The following KCNT2 variants were observed in gnomAD, a reference collection of about 807,000 sequenced individuals.
KCNT2 encodes potassium channel subfamily T member 2.
A neutral mutation model predicts 153.8 loss-of-function variants in KCNT2; 67 were observed. The observed-to-expected ratio is 0.44, with a 90% CI of 0.36 to 0.53. KCNT2 has a LOEUF of 0.53. KCNT2 is among the 20% of genes least tolerant of loss of function. The pLI is 0.00. For synonymous variants in KCNT2, 500 were observed against 458.8 expected (o/e 1.09, Z -1.15); for missense variants, 975 against 1,354.8 (o/e 0.72, Z 4.40).
At chr1:196,428,379 T>C (rs926458005) in intron 9 of KCNT2, 110 bp from the exon 10 acceptor site, 4 of 728,082 alleles carry the variant, frequency 5.5e-6, no homozygotes, top group East Asian at 2.6e-5. Context: ...ATGGAACTCA[T>C]TGAGATTCTA....
rs571468998 is a variant in KCNT2, at chr1:196,333,963, A to G, written c.1881T>C (p.Pro627=). The G allele has an allele frequency of 3.1e-6, 5 of 1,612,766 alleles. No homozygotes were observed. The highest frequency in any genetic ancestry group is 4.2e-6 in the Non-Finnish European group (5 of 1,179,212). ...CAACCTCTAAAACAGGAGCAATGCT[A>G]GGTCTTCTTATTTCTTTGCTTCCCT... ...PTEGSKEIRR[P]SIAPVLEVAD... Residue 627 remains proline (P), a synonymous_variant, in exon 17 of 28, where the codon CCT becomes CCC. Transcript: ENST00000294725.
At chr1:196,232,231 T>C (rs1375352222) in intron 27 of KCNT2, among the ~76,000 whole-genome samples, 4 of 151,770 alleles carry the variant, frequency 2.6e-5, no homozygotes, top group Admixed American at 2.6e-4. Context: ...AAACTAATAG[T>C]GCACATTACA....
At chr1:196,523,678 G>C (rs1255656001) in intron 1 of KCNT2, among the ~76,000 whole-genome samples, 2 of 152,184 alleles carry the variant, frequency 1.3e-5, no homozygotes, top group African/African-American at 4.8e-5. Flanking sequence ...CAAAGCATCT[G>C]ATAGAGCCAT....
Position 196,535,001 on chromosome 1 carries a change from A to G in KCNT2, c.96-42660T>C, listed in dbSNP as rs558631210. Among the ~76,000 whole-genome samples, 25 of 152,342 alleles carry G rather than the reference A, an allele frequency of 1.6e-4. No homozygotes were observed. The South Asian group carries it at 4.6e-3, about 28-fold the overall frequency. On this transcript the variant is annotated intron_variant, in intron 1 of 27. Transcript: ENST00000294725. ...TTCTTTACTTACTTAGCTCCATGTT[A>G]TCAAGGTATAATTCTGATTATAATT...
rs371149338 is a variant in KCNT2 at position 196,590,853 on chromosome 1, C to T, written c.95+17362G>A. On this transcript the variant is annotated intron_variant, in intron 1 of 27. Transcript: ENST00000294725. ...TTGAAAAGAGATCTCAGGCCGAGTG[C>T]AGTGGCTCATGCCTGTAATCCCAGT... Among the ~76,000 whole-genome samples, 11 of 152,190 alleles carry T rather than the reference C, an allele frequency of 7.2e-5. No individual in the cohort carries two copies. In the East Asian group the frequency reaches 7.7e-4, roughly 11 times the overall value.
intron 1 of KCNT2, among the ~76,000 whole-genome samples, chr1:196,580,902 T>C (rs1252498875): frequency 1.3e-5 from 2 of 152,142 alleles, no homozygotes; most frequent in Non-Finnish European, 2.9e-5. Flanking sequence ...AGGGGCCAGA[T>C]GGTTTTTGTT....
chr1:196,482,318 A>C lies in KCNT2; in HGVS notation c.324+13T>G. 2 of 1,555,564 alleles carry C rather than the reference A, an allele frequency of 1.3e-6. No homozygotes were observed. Among genetic ancestry groups the C allele is most frequent in the Non-Finnish European group, 1.8e-6 (2 of 1,142,060 alleles). ...ACCCAGAGATATAGGGATAAAACAAAATTGTACATAACCTGTAAGCCCCAC... is the reference window on the plus strand; with the variant it reads ...ACCCAGAGATATAGGGATAAAACAACATTGTACATAACCTGTAAGCCCCAC... On this transcript the variant is annotated intron_variant, in intron 4 of 27. Coordinates refer to ENST00000294725, the MANE Select transcript of KCNT2 (RefSeq NM_198503.5).
chr1:196,592,657 AT>A (rs1223175774), intron 1 of KCNT2, among the ~76,000 whole-genome samples: 1 of 146,896 alleles, frequency 6.8e-6, no homozygotes, highest in Non-Finnish European at 1.5e-5. Context: ...ATACATATAT[AT>A]GTCTATAGAC....
At chr1:196,536,871 T>G (rs1474817843) in intron 1 of KCNT2, among the ~76,000 whole-genome samples, 1 of 152,208 alleles carries the variant, frequency 6.6e-6, no homozygotes, top group African/African-American at 2.4e-5. Context: ...ATTCATTGCA[T>G]GATGACTGTA....
rs142559851 is a variant in KCNT2, at chr1:196,243,856, C to T, written c.3212-7786G>A. On this transcript the variant is annotated intron_variant, in intron 26 of 27. Coordinates refer to ENST00000294725, the MANE Select transcript of KCNT2 (RefSeq NM_198503.5). ...TGGGGCACATGACCCAGTGAGATAC[C>T]AGCTGGGATGGCCAAGGGAGTGCTT... Among the ~76,000 whole-genome samples, 111 of 152,158 alleles carry T rather than the reference C, an allele frequency of 7.3e-4. 1 individual carries two copies. The Middle Eastern group carries it at 0.027, about 37-fold the overall frequency.
intron 16 of KCNT2, among the ~76,000 whole-genome samples, chr1:196,335,244 A>T (rs1054913563): frequency 3.3e-5 from 5 of 152,106 alleles, no homozygotes; most frequent in African/African-American, 4.8e-5. Flanking sequence ...GCATTGCTTA[A>T]AAAGGGGGAT....
chr1:196,330,920 A>ATTATT (rs1664396832), intron 18 of KCNT2, among the ~76,000 whole-genome samples: 1 of 152,018 alleles, frequency 6.6e-6, no homozygotes, highest in Non-Finnish European at 1.5e-5. Flanking sequence ...TCTCTTTAAC[A>ATTATT]ACATGACTAG....
chr1:196,356,915 A>G (rs1367411108), intron 14 of KCNT2, among the ~76,000 whole-genome samples: 1 of 151,860 alleles, frequency 6.6e-6, no homozygotes, highest in East Asian at 1.9e-4. Context: ...GCAGCCAAAT[A>G]AAACTTATCT....
At chr1:196,285,287 G>A (rs943806926) in intron 23 of KCNT2, among the ~76,000 whole-genome samples, 4 of 152,062 alleles carry the variant, frequency 2.6e-5, no homozygotes, top group African/African-American at 2.4e-5. Flanking sequence ...TGGAAAAAAT[G>A]TATACTATAA....
chr1:196,600,583 T>C (rs1423009169), intron 1 of KCNT2, among the ~76,000 whole-genome samples: 3 of 152,218 alleles, frequency 2.0e-5, no homozygotes, highest in Non-Finnish European at 4.4e-5. Context: ...GTGTGGTGAA[T>C]TTCTTGGTTT....
intron 12 of KCNT2, 80 bp from the exon 13 acceptor site, chr1:196,398,751 G>T: frequency 1.4e-6 from 1 of 730,266 alleles, no homozygotes; most frequent in Non-Finnish European, 2.3e-6. Context: ...CAATCAGTTT[G>T]CTTGGTCACA....
At chr1:196,519,630 A>G (rs1238748874) in intron 1 of KCNT2, among the ~76,000 whole-genome samples, 2 of 152,158 alleles carry the variant, frequency 1.3e-5, no homozygotes, top group African/African-American at 4.8e-5. Context: ...GTCCCCACAG[A>G]AATACAAATA....
At chr1:196,486,316 A>G (rs1679415239) in intron 3 of KCNT2, among the ~76,000 whole-genome samples, 1 of 151,998 alleles carries the variant, frequency 6.6e-6, no homozygotes, top group Non-Finnish European at 1.5e-5. Flanking sequence ...AATATAAAAA[A>G]TTAAATAAAA....
chr1:196,579,392 G>A (rs1278161616), intron 1 of KCNT2, among the ~76,000 whole-genome samples: 4 of 151,906 alleles, frequency 2.6e-5, no homozygotes, highest in African/African-American at 4.8e-5. Flanking sequence ...TAGTACCTGC[G>A]TGATGAAATA....
Sources: allele counts gnomAD v4.1 joint callset (sites outside exome capture counted in the v4.1 genomes callset), GRCh38; gene constraint gnomAD v4.1.1; transcripts MANE v1.5; gene names NCBI Gene and HGNC (gene_info 2026-07-23, HGNC 2026-07-21).